Variants in GPC6 observed in about 807,000 individuals in gnomAD.
The protein encoded by GPC6 is glypican-6.
In GPC6, 14 loss-of-function variants were observed where a neutral mutation model predicts 55.2. The observed-to-expected ratio is 0.25, with a 90% CI of 0.17 to 0.40. The LOEUF is 0.40. GPC6 is among the 10% of genes least tolerant of loss of function. The pLI is 1.00. For missense variants in GPC6, 641 were observed against 708.5 expected (o/e 0.90, Z 1.08); for synonymous variants, 278 against 259.6 (o/e 1.07, Z -0.68).
intron 1 of GPC6, among the ~76,000 whole-genome samples, chr13:93,330,403 C>T (rs1373682694): frequency 6.6e-6 from 1 of 152,040 alleles, no homozygotes; most frequent in Non-Finnish European, 1.5e-5. Context: ...TGGTATGTGC[C>T]TGTAGTCACA....
At chr13:93,822,025 C>CATA (rs3077855) in intron 2 of GPC6, among the ~76,000 whole-genome samples, 100,783 of 150,956 alleles carry the variant, frequency 0.67, 34,248 homozygotes, top group East Asian at 0.81. Flanking sequence ...TACATATATA[C>CATA]ATAATATGTA....
chr13:94,196,566 T>C (rs576905044), intron 4 of GPC6, among the ~76,000 whole-genome samples: 19 of 152,300 alleles, frequency 1.2e-4, no homozygotes, highest in African/African-American at 3.6e-4. Flanking sequence ...TTGCATTACA[T>C]CCACTTCTCC....
At chr13:93,917,002 C>T (rs967316522) in intron 3 of GPC6, among the ~76,000 whole-genome samples, 11 of 152,088 alleles carry the variant, frequency 7.2e-5, no homozygotes, top group South Asian at 2.1e-4. Flanking sequence ...GCCCCAAATT[C>T]GCTTTCCTTG....
intron 1 of GPC6, among the ~76,000 whole-genome samples, chr13:93,295,290 C>CAAAAAAAAAAA (rs67379652): frequency 6.0e-5 from 4 of 66,686 alleles, no homozygotes; most frequent in South Asian, 6.2e-4. Flanking sequence ...GACCCTGTCT[C>CAAAAAAAAAAA]AAAAAAAAAA....
chr13:94,057,415 G>A (rs1008869175), intron 4 of GPC6, among the ~76,000 whole-genome samples: 3 of 152,228 alleles, frequency 2.0e-5, no homozygotes, highest in Middle Eastern at 3.4e-3. Flanking sequence ...TCACAGTCAC[G>A]AAATATTTGA....
At chr13:93,613,530 A>AAACACACACAC (rs1878582772) in intron 2 of GPC6, among the ~76,000 whole-genome samples, 12 of 139,912 alleles carry the variant, frequency 8.6e-5, no homozygotes, top group African/African-American at 3.2e-4. Flanking sequence ...ACACACACAA[A>AAACACACACAC]ACACACACAC....
chr13:94,108,088 G>A (rs1195843505), intron 4 of GPC6, among the ~76,000 whole-genome samples: 1 of 152,160 alleles, frequency 6.6e-6, no homozygotes, highest in East Asian at 1.9e-4. Flanking sequence ...ACTTAAACAT[G>A]CATGTTTATA....
intron 2 of GPC6, among the ~76,000 whole-genome samples, chr13:93,753,226 C>G (rs1362189895): frequency 1.3e-5 from 2 of 152,170 alleles, no homozygotes; most frequent in Non-Finnish European, 2.9e-5. Context: ...TCTTCCATGT[C>G]ACTTCAGTGA....
At position 93,927,271 on chromosome 13, in the gene GPC6, G is replaced by A. The variant is rs1296392367; in HGVS notation, c.711+96726G>A. On this transcript the variant is annotated intron_variant, in intron 3 of 8. Coordinates refer to ENST00000377047, the MANE Select transcript of GPC6 (RefSeq NM_005708.5). ...ATAAAAAGCTAAGGCTAATTTTAAA[G>A]CATAACCAAATACCTTCTGTGCAAA... Among the ~76,000 whole-genome samples the A allele has an allele frequency of 2.0e-5, 3 of 152,236 alleles. No homozygotes were observed. In the East Asian group the frequency reaches 5.8e-4, roughly 29 times the overall value.
chr13:93,496,117 C>T (rs1241394756), intron 1 of GPC6, among the ~76,000 whole-genome samples: 2 of 152,156 alleles, frequency 1.3e-5, no homozygotes, highest in Non-Finnish European at 2.9e-5. Context: ...GCGCCCCTCC[C>T]CCAGCCTTGC....
At chr13:93,878,667 C>G (rs35071698) in intron 3 of GPC6, among the ~76,000 whole-genome samples, 3 of 152,034 alleles carry the variant, frequency 2.0e-5, no homozygotes, top group Admixed American at 1.3e-4. Context: ...CATGAGCCAC[C>G]GCTCCTGGCC....
intron 7 of GPC6, among the ~76,000 whole-genome samples, chr13:94,396,393 AAAAAG>A (rs1268861774): frequency 6.6e-6 from 1 of 152,204 alleles, no homozygotes; most frequent in African/African-American, 2.4e-5. Context: ...AAAGAGTACC[AAAAAG>A]AAAAGAATAA....
At chr13:93,951,500 A>C in intron 3 of GPC6, among the ~76,000 whole-genome samples, 1 of 152,214 alleles carries the variant, frequency 6.6e-6, no homozygotes, top group Non-Finnish European at 1.5e-5. Context: ...TTAAACAAAC[A>C]AAAAATATCC....
chr13:93,598,615 T>A (rs183544588), intron 2 of GPC6, among the ~76,000 whole-genome samples: 1 of 152,300 alleles, frequency 6.6e-6, no homozygotes, highest in Admixed American at 6.5e-5. Context: ...TATGGCATTA[T>A]TAAACCTACT....
intron 2 of GPC6, among the ~76,000 whole-genome samples, chr13:93,657,168 G>T (rs1484407606): frequency 6.6e-6 from 1 of 151,924 alleles, no homozygotes; most frequent in Non-Finnish European, 1.5e-5. Context: ...AAGGAACAAA[G>T]TTTGAGACAT....
At chr13:94,087,653 TAAC>T (rs1265144506) in intron 4 of GPC6, among the ~76,000 whole-genome samples, 3 of 152,234 alleles carry the variant, frequency 2.0e-5, no homozygotes, top group African/African-American at 7.2e-5. Flanking sequence ...GTCATTTAGT[TAAC>T]AAACCATAAA....
chr13:94,060,516 G>T (rs1261075214), intron 4 of GPC6, among the ~76,000 whole-genome samples: 1 of 152,100 alleles, frequency 6.6e-6, no homozygotes, highest in African/African-American at 2.4e-5. Context: ...GCCATTTAAG[G>T]CCTGAGAAAT....
intron 1 of GPC6, among the ~76,000 whole-genome samples, chr13:93,386,469 T>C (rs1374002196): frequency 6.6e-6 from 1 of 151,450 alleles, no homozygotes; most frequent in East Asian, 1.9e-4. Context: ...TCTACACTAA[T>C]AGTGCATAAC....
chr13:93,916,014 A>G (rs1233963785), intron 3 of GPC6, among the ~76,000 whole-genome samples: 1 of 151,516 alleles, frequency 6.6e-6, no homozygotes, highest in Non-Finnish European at 1.5e-5. Context: ...TCTTCTGTGG[A>G]CCTCTCCAGG....
Sources: allele counts gnomAD v4.1 joint callset (sites outside exome capture counted in the v4.1 genomes callset), GRCh38; gene constraint gnomAD v4.1.1; transcripts MANE v1.5; gene names NCBI Gene and HGNC (gene_info 2026-07-23, HGNC 2026-07-21).